Variants in MCF2L observed in about 807,000 individuals in gnomAD.
MCF2L encodes the protein MCF.2 cell line derived transforming sequence like, also known as guanine nucleotide exchange factor DBS.
Under a neutral mutation model 153.4 loss-of-function variants are expected in MCF2L, and 97 were observed. That is an observed-to-expected ratio of 0.63 (90% CI 0.54 to 0.75). The LOEUF is 0.75. Among genes scored for constraint, MCF2L ranks in the 30% least tolerant of loss-of-function variants. The probability of loss-of-function intolerance (pLI) is 0.00; values close to 1 mark genes in which losing one functional copy is unlikely to be tolerated. For missense variants in MCF2L, 1,347 were observed against 1,495.2 expected, an observed-to-expected ratio of 0.90 and a Z score of 1.64; for synonymous variants, 659 against 632.2, an observed-to-expected ratio of 1.04 and a Z score of -0.64.
chr13:112,996,977 G>A (rs2083163052), intron 1 of MCF2L, among the ~76,000 whole-genome samples: 1 of 152,240 alleles, frequency 6.6e-6, no homozygotes, highest in African/African-American at 2.4e-5. Context: ...CGCTATCTCA[G>A]GTGTGGCCGG....
intron 2 of MCF2L, among the ~76,000 whole-genome samples, chr13:112,939,245 C>T (rs1229081968): frequency 6.6e-6 from 1 of 152,110 alleles, no homozygotes; most frequent in Admixed American, 6.5e-5. Flanking sequence ...ATCTGAGGGC[C>T]TCCGGCAGGT....
intron 1 of MCF2L, among the ~76,000 whole-genome samples, chr13:112,989,679 C>CTCTTAG (rs2082820419): frequency 1.2e-5 from 1 of 82,718 alleles, no homozygotes; most frequent in African/African-American, 4.7e-5. Context: ...CCTCCCTGAG[C>CTCTTAG]AGGACATGGA....
chr13:112,980,073 T>C (rs1003906244), intron 1 of MCF2L, among the ~76,000 whole-genome samples: 1 of 152,192 alleles, frequency 6.6e-6, no homozygotes, highest in Non-Finnish European at 1.5e-5. Context: ...GTGGGTTTAA[T>C]GAGGCTCCCC....
chr13:113,033,463 C>T (rs112236441), intron 3 of MCF2L, among the ~76,000 whole-genome samples: 2,730 of 149,250 alleles, frequency 0.018, 90 homozygotes, highest in African/African-American at 0.065. Context: ...GAGTGGCCCC[C>T]GTGGCGTGAG....
intron 26 of MCF2L, chr13:113,091,021 G>A (rs1270423248): frequency 1.6e-6 from 2 of 1,281,912 alleles, no homozygotes; most frequent in African/African-American, 1.6e-5. Flanking sequence ...CAACGTCGGT[G>A]TCCCCTTCCA....
chr13:113,024,516 T>G lies in MCF2L; in HGVS notation c.164-128T>G, dbSNP rs2993305. 60 of 607,750 alleles carry G rather than the reference T, an allele frequency of 9.9e-5. No individual in the cohort carries two copies. The Middle Eastern group carries it at 1.4e-3, about 14-fold the overall frequency. 37.6% of individuals were successfully genotyped at this position (607,750 alleles called of 1,614,324 possible). The stretch of plus-strand genomic sequence containing the variant: ...ACACATTTCTTTCAAATAAAAATTA[T>G]GCAACGATGAAGAACATGCCTCAGT... On this transcript the variant is annotated intron_variant, in intron 2 of 29. Coordinates refer to ENST00000535094, the MANE Select transcript of MCF2L (RefSeq NM_001112732.3).
chr13:113,082,374 C>G, intron 16 of MCF2L, 53 bp from the exon 17 acceptor site: 1 of 1,067,254 alleles, frequency 9.4e-7, no homozygotes, highest in Non-Finnish European at 1.5e-6. Context: ...CCCACCTGCC[C>G]CCCCACAGCA....
At position 112,993,248 on chromosome 13, in the gene MCF2L, T is replaced by G. The variant is rs1187995865; in HGVS notation, c.80-21515T>G. On this transcript the variant is annotated intron_variant, in intron 1 of 29. Coordinates refer to ENST00000535094, the MANE Select transcript of MCF2L (RefSeq NM_001112732.3). This position sits in a 1 kb window ranked among gnomAD's most constrained non-coding sequence, Gnocchi z 4.6. Reference sequence around the variant, plus strand: ...CCGGTGAAGCCACGTGATGTCTTCGTGTGAACATGGTGGCGGGGGAGCGCC... The same window carrying G: ...CCGGTGAAGCCACGTGATGTCTTCGGGTGAACATGGTGGCGGGGGAGCGCC... Among the ~76,000 whole-genome samples, 14 of 152,148 alleles carry G rather than the reference T, an allele frequency of 9.2e-5. No homozygotes were observed. Among genetic ancestry groups the G allele is most frequent in the African/African-American group, 3.4e-4 (14 of 41,430 alleles).
chr13:113,081,991 C>T (rs939645515), intron 16 of MCF2L, among the ~76,000 whole-genome samples: 8 of 150,666 alleles, frequency 5.3e-5, no homozygotes, highest in East Asian at 3.9e-4. Flanking sequence ...GTGTAGACAG[C>T]GAGTGTGCAC....
chr13:112,956,275 A>G (rs2081756424), intron 2 of MCF2L: 1 of 152,284 alleles, frequency 6.6e-6, no homozygotes, highest in African/African-American at 2.4e-5. Context: ...TCCAGGTTAA[A>G]AAAAGAAAAT....
At chr13:113,077,425 G>A (rs989538066) in intron 13 of MCF2L, among the ~76,000 whole-genome samples, 22 of 152,252 alleles carry the variant, frequency 1.4e-4, no homozygotes, top group East Asian at 3.9e-4. Context: ...ACCCGGCCAC[G>A]CCCATCCTGT....
chr13:112,935,201 C>G (rs1290556918), intron 2 of MCF2L, among the ~76,000 whole-genome samples: 1 of 152,194 alleles, frequency 6.6e-6, no homozygotes, highest in Non-Finnish European at 1.5e-5. Flanking sequence ...CTCACATACC[C>G]ATACGGCCAT....
upstream of MCF2L, among the ~76,000 whole-genome samples, chr13:112,969,069 G>T (rs1045303296): frequency 6.6e-6 from 1 of 151,760 alleles, no homozygotes. This position sits in a 1 kb window ranked among gnomAD's most constrained non-coding sequence, Gnocchi z 4.8. Context: ...GACACGCGGG[G>T]CTCCCAGGTG....
chr13:112,977,174 C>G (rs2082245709), intron 1 of MCF2L, among the ~76,000 whole-genome samples: 1 of 152,158 alleles, frequency 6.6e-6, no homozygotes, highest in African/African-American at 2.4e-5. Flanking sequence ...TCTTTTACTG[C>G]CAAAAATGAT....
At chr13:112,919,588 C>T (rs76060558) in intron 2 of MCF2L, among the ~76,000 whole-genome samples, 6 of 151,830 alleles carry the variant, frequency 4.0e-5, no homozygotes, top group Non-Finnish European at 7.4e-5. Flanking sequence ...AAAAAAAATG[C>T]CTAGAAACGC....
At chr13:112,916,202 C>T (rs2081290414) in intron 2 of MCF2L, among the ~76,000 whole-genome samples, 1 of 147,628 alleles carries the variant, frequency 6.8e-6, no homozygotes, top group East Asian at 2.0e-4. Context: ...GCCTCTGATT[C>T]CGAGGCGACT....
At position 113,053,330 on chromosome 13, in the gene MCF2L, T is replaced by A. The variant is rs113760392; in HGVS notation, c.370-7263T>A. Among the ~76,000 whole-genome samples the A allele has an allele frequency of 2.4e-3, 370 of 152,372 alleles. 1 individual carries two copies. The highest frequency in any genetic ancestry group is 8.6e-3 in the African/African-American group (358 of 41,588). On this transcript the variant is annotated intron_variant, in intron 4 of 29. Coordinates refer to ENST00000535094, the MANE Select transcript of MCF2L (RefSeq NM_001112732.3). The surrounding 1 kb of genome is among the most constrained non-coding windows in gnomAD (Gnocchi z 4.4). ...AGTTGTTGGTTTTTGTTTTGCTTTC[T>A]GTCTTTTGTGAGATTGAGATTTGCG...
intron 1 of MCF2L, chr13:112,985,407 A>G (rs2082595039): frequency 6.4e-6 from 3 of 470,936 alleles, no homozygotes; most frequent in Non-Finnish European, 1.3e-5. Flanking sequence ...GGCTGTCCGG[A>G]TTTCCGTGGC....
chr13:113,074,416 C>G lies in MCF2L; in HGVS notation c.997-28C>G, dbSNP rs2033230732. The G allele has an allele frequency of 3.7e-6, 6 of 1,603,644 alleles. No individual in the cohort carries two copies. The highest frequency in any genetic ancestry group is 1.3e-5 in the African/African-American group (1 of 74,720). ...CTCTGTTCAGGTGAGGGAGACACCC[C>G]CCTGAGATGGGCCCTCCTCTGTTCC... On this transcript the variant is annotated intron_variant, in intron 9 of 29. Transcript: ENST00000535094. The surrounding 1 kb of genome is among the most constrained non-coding windows in gnomAD (Gnocchi z 4.2).
Sources: allele counts gnomAD v4.1 joint callset (sites outside exome capture counted in the v4.1 genomes callset), GRCh38; gene constraint gnomAD v4.1.1; non-coding constraint Gnocchi (gnomAD v3.1); transcripts MANE v1.5; gene names NCBI Gene and HGNC (gene_info 2026-07-23, HGNC 2026-07-21).